The following MCTP2 variants were observed in gnomAD, a reference collection of about 807,000 sequenced individuals.
MCTP2 encodes the protein multiple C2 and transmembrane domain containing 2, also known as multiple C2 and transmembrane domain-containing protein 2.
In MCTP2, 132 loss-of-function variants were observed where a neutral mutation model predicts 111.6. The observed-to-expected ratio is 1.18, with a 90% CI of 1.03 to 1.37. The LOEUF is 1.37. Ranked by LOEUF, MCTP2 falls within the 40% of genes most tolerant of loss-of-function variation. MCTP2 has a pLI of 0.00. For missense variants in MCTP2, 1,183 were observed against 1,067.9 expected, an observed-to-expected ratio of 1.11 and a Z score of -1.50; for synonymous variants, 395 against 387.7, an observed-to-expected ratio of 1.02 and a Z score of -0.22.
At chr15:94,261,612 C>A (rs192077652) in intron 1 of MCTP2, among the ~76,000 whole-genome samples, 86 of 152,328 alleles carry the variant, frequency 5.6e-4, no homozygotes, top group African/African-American at 2.1e-3. Context: ...TAGTTTCCCT[C>A]ACACCATGAG....
chr15:94,299,484 C>G (rs934475012), intron 2 of MCTP2, among the ~76,000 whole-genome samples: 1 of 152,112 alleles, frequency 6.6e-6, no homozygotes, highest in African/African-American at 2.4e-5. Context: ...CGCCTGTGAA[C>G]AAGCATTCTT....
intron 1 of MCTP2, among the ~76,000 whole-genome samples, chr15:94,297,331 C>A (rs146568375): frequency 6.6e-6 from 1 of 152,284 alleles, no homozygotes; most frequent in Admixed American, 6.5e-5. Flanking sequence ...GCATCCTTAT[C>A]CCTCATAACC....
At chr15:94,468,742 C>G (rs1338178640) in intron 20 of MCTP2, among the ~76,000 whole-genome samples, 3 of 152,178 alleles carry the variant, frequency 2.0e-5, no homozygotes. Flanking sequence ...TCAAGTGATT[C>G]TCCTGCCTCC....
chr15:94,415,241 C>T (rs116327118), intron 17 of MCTP2, among the ~76,000 whole-genome samples: 174 of 152,196 alleles, frequency 1.1e-3, no homozygotes, highest in African/African-American at 3.4e-3. Flanking sequence ...GGAAAGGTGA[C>T]GCTCCTTGTC....
chr15:94,475,207 T>C lies in MCTP2; in HGVS notation c.2471-1489T>C, dbSNP rs188781524. Among the ~76,000 whole-genome samples, 122 of 152,304 alleles carry C rather than the reference T, an allele frequency of 8.0e-4. 1 individual carries two copies. Among genetic ancestry groups the C allele is most frequent in the African/African-American group, 2.7e-3 (113 of 41,576 alleles). ...TGTAAAGGAACACTGGGGGAAATTT[T>C]AGCTAGAAACGTGAAGCTTGCTGTG... On this transcript the variant is annotated intron_variant, in intron 21 of 22. Coordinates refer to ENST00000357742, the MANE Select transcript of MCTP2 (RefSeq NM_001385001.1).
At chr15:94,377,106 G>A (rs974656654) in intron 12 of MCTP2, among the ~76,000 whole-genome samples, 7 of 152,032 alleles carry the variant, frequency 4.6e-5, no homozygotes, top group Non-Finnish European at 7.4e-5. Flanking sequence ...GTTTTGAAAC[G>A]TTAAGACTGC....
chr15:94,441,168 C>G (rs2083760972), intron 18 of MCTP2, among the ~76,000 whole-genome samples: 1 of 152,078 alleles, frequency 6.6e-6, no homozygotes, highest in Non-Finnish European at 1.5e-5. Context: ...TCCTTATGTC[C>G]TCATAATGGA....
chr15:94,268,909 G>T (rs2152294855), intron 1 of MCTP2, among the ~76,000 whole-genome samples: 1 of 152,024 alleles, frequency 6.6e-6, no homozygotes, highest in African/African-American at 2.4e-5. Flanking sequence ...ATGTTTGCCA[G>T]ATTTCCACTT....
At chr15:94,253,282 C>T (rs2072560115) in intron 1 of MCTP2, among the ~76,000 whole-genome samples, 1 of 152,168 alleles carries the variant, frequency 6.6e-6, no homozygotes, top group African/African-American at 2.4e-5. Flanking sequence ...TAGTGTGTCT[C>T]AACTTTGATA....
chr15:94,358,760 T>TG lies in MCTP2; in HGVS notation c.1301+153dup. On this transcript the variant is annotated intron_variant, in intron 10 of 22. Coordinates refer to ENST00000357742, the MANE Select transcript of MCTP2 (RefSeq NM_001385001.1). ...AGTGAGCTGGATGGCCAGTCCTAACTGGGGGAAAGTTTGCTTTTCATTTTT... is the reference window on the plus strand; with the variant it reads ...AGTGAGCTGGATGGCCAGTCCTAACTGGGGGGAAAGTTTGCTTTTCATTTTT... The TG allele has an allele frequency of 3.5e-6, 3 of 855,936 alleles. No homozygotes were observed. In the East Asian group the frequency reaches 8.2e-5, roughly 23 times the overall value. 53.0% of individuals were successfully genotyped at this position (855,936 alleles called of 1,614,324 possible).
rs1170007449 is a variant in MCTP2 at position 94,483,558 on chromosome 15, C to T, written c.*4524C>T. Reference sequence around the variant, plus strand: ...ATGAGATCATGTCCTTTTGCAGGAACTTGGATACAGCTGGAGGCCATTATC... The same window carrying T: ...ATGAGATCATGTCCTTTTGCAGGAATTTGGATACAGCTGGAGGCCATTATC... On this transcript the variant is annotated 3_prime_UTR_variant, in exon 23 of 23. Transcript: ENST00000357742. The T allele has an allele frequency of 6.6e-6, 1 of 152,174 alleles. No individual in the cohort carries two copies. The highest frequency in any genetic ancestry group is 1.5e-5 in the Non-Finnish European group (1 of 68,030). The allele number at this position is 152,174 out of a possible 1,614,324, so 9.4% of individuals were successfully genotyped here. A position where few individuals can be genotyped will look rare whatever the true frequency, so the allele number is the denominator to read the frequency against.
intron 14 of MCTP2, among the ~76,000 whole-genome samples, chr15:94,396,289 A>G (rs908628883): frequency 5.9e-5 from 9 of 152,298 alleles, no homozygotes; most frequent in African/African-American, 1.7e-4. Context: ...GGAGATCTCA[A>G]AATTAATGAA....
At chr15:94,290,177 A>T (rs2074968525) in intron 1 of MCTP2, among the ~76,000 whole-genome samples, 1 of 152,028 alleles carries the variant, frequency 6.6e-6, no homozygotes, top group African/African-American at 2.4e-5. Context: ...CATTCTTGTC[A>T]GCGCTTTGAT....
intron 1 of MCTP2, among the ~76,000 whole-genome samples, chr15:94,242,605 C>T (rs1567247324): frequency 6.6e-6 from 1 of 151,692 alleles, no homozygotes; most frequent in Non-Finnish European, 1.5e-5. Flanking sequence ...ATTTTTGGGC[C>T]AGTAACAATT....
At chr15:94,455,929 T>C (rs528954722) in intron 19 of MCTP2, among the ~76,000 whole-genome samples, 1 of 152,348 alleles carries the variant, frequency 6.6e-6, no homozygotes, top group East Asian at 1.9e-4. Flanking sequence ...TATGAATATA[T>C]ATCACAAATA....
chr15:94,251,725 C>T (rs1047706520), intron 1 of MCTP2, among the ~76,000 whole-genome samples: 69 of 152,270 alleles, frequency 4.5e-4, no homozygotes, highest in African/African-American at 1.6e-3. Context: ...ACTGTCACCT[C>T]CATCCGTCTC....
chr15:94,349,818 T>TCA (rs373349483), intron 8 of MCTP2, among the ~76,000 whole-genome samples: 11,302 of 132,848 alleles, frequency 0.085, 929 homozygotes, highest in African/African-American at 0.19. Context: ...GGACTCTGTC[T>TCA]GAAAAAAAAA....
At chr15:94,352,688 C>T (rs1164353885) in intron 8 of MCTP2, among the ~76,000 whole-genome samples, 4 of 152,242 alleles carry the variant, frequency 2.6e-5, no homozygotes, top group South Asian at 2.1e-4. Flanking sequence ...ACAAATTTCA[C>T]GTATAGGTTC....
intron 4 of MCTP2, among the ~76,000 whole-genome samples, chr15:94,317,699 A>G (rs919359092): frequency 6.6e-6 from 1 of 152,048 alleles, no homozygotes; most frequent in Non-Finnish European, 1.5e-5. Context: ...GTGACTCTCT[A>G]CTGCTCATGT....
Sources: allele counts gnomAD v4.1 joint callset (sites outside exome capture counted in the v4.1 genomes callset), GRCh38; gene constraint gnomAD v4.1.1; transcripts MANE v1.5; gene names NCBI Gene and HGNC (gene_info 2026-07-23, HGNC 2026-07-21).